Variants in EIF3B observed in about 807,000 individuals in gnomAD.
The protein encoded by EIF3B is eukaryotic translation initiation factor 3 subunit 9.
A neutral mutation model predicts 104.6 loss-of-function variants in EIF3B; 10 were observed. The ratio of observed to expected loss-of-function variants is 0.10; its 90% CI spans 0.06 to 0.16. The LOEUF (loss-of-function observed/expected upper bound fraction) is 0.16. Among genes scored for constraint, EIF3B ranks in the 10% least tolerant of loss-of-function variants. The pLI, the probability that EIF3B is intolerant of heterozygous loss-of-function variation, is 1.00. For synonymous variants in EIF3B, 542 were observed against 417.2 expected (o/e 1.30, Z -3.65); for missense variants, 1,014 against 1,087.9 (o/e 0.93, Z 0.96).
At position 2,362,706 on chromosome 7, in the gene EIF3B, G is replaced by T; in HGVS notation, c.754G>T (p.Gly252Cys). 1 of 1,614,258 alleles carries T rather than the reference G, an allele frequency of 6.2e-7. No individual in the cohort carries two copies. Among genetic ancestry groups the T allele is most frequent in the Non-Finnish European group, 8.5e-7 (1 of 1,180,040 alleles). ...TGTGGATGCTGTGAAGAACGCCGAC[G>T]GCTACAAGCTTGACAAGCAGCACAC... Reference protein sequence around the residue: ...HAVDAVKNADGYKLDKQHTFR... With the variant: ...HAVDAVKNADCYKLDKQHTFR... The change falls in exon 3 of 19, where the codon GGC becomes TGC. Residue 252 changes from glycine to cysteine, a missense_variant. Gly to Cys is a radical substitution (Grantham distance 159). Coordinates refer to ENST00000360876, the MANE Select transcript of EIF3B (RefSeq NM_001037283.2).
intron 12 of EIF3B, chr7:2,373,952 A>G (rs976124154): frequency 2.6e-5 from 4 of 152,306 alleles, no homozygotes; most frequent in African/African-American, 7.2e-5. Flanking sequence ...TGGATGTACC[A>G]CAGGCTGAGG....
At chr7:2,355,646 C>T (rs1056510190) in intron 1 of EIF3B, among the ~76,000 whole-genome samples, 2 of 152,140 alleles carry the variant, frequency 1.3e-5, no homozygotes, top group Non-Finnish European at 1.5e-5. Context: ...CAGGGTGGAG[C>T]TCACTTCGGG....
At chr7:2,363,926 A>G (rs553179106) in intron 5 of EIF3B, among the ~76,000 whole-genome samples, 166 bp downstream of exon 5, 2 of 152,348 alleles carry the variant, frequency 1.3e-5, no homozygotes, top group East Asian at 1.9e-4. Context: ...GCTTTGAAGT[A>G]AATCCTGAGA....
intron 15 of EIF3B, among the ~76,000 whole-genome samples, chr7:2,377,477 A>G (rs145130793): frequency 9.2e-4 from 126 of 137,534 alleles, no homozygotes; most frequent in Non-Finnish European, 1.5e-3. Flanking sequence ...TGGAGGAAGG[A>G]GCAGGCACGA....
Position 2,374,379 on chromosome 7 carries a change from G to A in EIF3B, c.1811-149G>A, listed in dbSNP as rs183732030. On this transcript the variant is annotated intron_variant, in intron 12 of 18. Transcript: ENST00000360876. ...CATGACTTAGGGGGTACTTGGCGAT[G>A]GACTTTGTAAAATTGTTTTCCGAGG... 1.1e-4 allele frequency: 74 copies of A among 655,064 alleles called. No homozygotes were observed. In the African/African-American group the frequency reaches 1.2e-3, roughly 11 times the overall value. 40.6% of individuals were successfully genotyped at this position (655,064 alleles called of 1,614,324 possible).
At chr7:2,356,552 G>A (rs1471687396) in intron 1 of EIF3B, among the ~76,000 whole-genome samples, 2 of 147,182 alleles carry the variant, frequency 1.4e-5, no homozygotes, top group African/African-American at 5.0e-5. Flanking sequence ...GCAGTGAGCC[G>A]AGATCCTGCC....
chr7:2,380,264 G>T lies in EIF3B; in HGVS notation c.*75G>T. On this transcript the variant is annotated 3_prime_UTR_variant, in exon 19 of 19. Coordinates refer to ENST00000360876, the MANE Select transcript of EIF3B (RefSeq NM_001037283.2). ...ACAGGACTCCCGAGTGTGAGCCGCG[G>T]TTCCTCTGTTGCAGCGCAGCCGTGT... 1 of 494,576 alleles carries T rather than the reference G, an allele frequency of 2.0e-6. No homozygotes were observed. The highest frequency in any genetic ancestry group is 4.0e-6 in the Non-Finnish European group (1 of 248,378). 30.6% of individuals were successfully genotyped at this position (494,576 alleles called of 1,614,324 possible).
chr7:2,362,136 A>C (rs1779765054), intron 2 of EIF3B, among the ~76,000 whole-genome samples: 1 of 151,592 alleles, frequency 6.6e-6, no homozygotes, highest in South Asian at 2.1e-4. Context: ...ATTTTTGTAT[A>C]TTTAGCAGAG....
chr7:2,366,399 A>C lies in EIF3B; in HGVS notation c.1240A>C (p.Lys414Gln). ...CATCTGGGACATCCTTACGGGGCAC[A>C]AGAAGAGGGGTTTTCACTGTGAGAG... ...IIIWDILTGH[K>Q]KRGFHCESSA... Residue 414 changes from lysine (K) to glutamine (Q), a missense_variant, in exon 7 of 19, where the codon AAG (lysine) becomes CAG (glutamine). This residue lies in a region of EIF3B where 201 missense variants were observed against 240.7 expected (regional missense o/e 0.83). Transcript: ENST00000360876. 1 of 1,614,074 alleles carries C rather than the reference A, an allele frequency of 6.2e-7. No individual in the cohort carries two copies. The highest frequency in any genetic ancestry group is 8.5e-7 in the Non-Finnish European group (1 of 1,180,012).
chr7:2,366,686 A>T (rs984157586), intron 8 of EIF3B, 95 bp downstream of exon 8: 2 of 1,409,448 alleles, frequency 1.4e-6, no homozygotes, highest in East Asian at 2.3e-5. Context: ...GAGGAGGAGG[A>T]GGTTTCACAG....
At chr7:2,368,293 A>G (rs1220561570) in intron 9 of EIF3B, among the ~76,000 whole-genome samples, 2 of 151,466 alleles carry the variant, frequency 1.3e-5, no homozygotes, top group African/African-American at 4.9e-5. Flanking sequence ...CAGGCGCGCA[A>G]CCACTACGCC....
At chr7:2,374,760 C>G in intron 13 of EIF3B, 154 bp downstream of exon 13, 1 of 637,064 alleles carries the variant, frequency 1.6e-6, no homozygotes, top group Non-Finnish European at 2.7e-6. Context: ...CATTGAACCT[C>G]TGCAGACCCA....
intron 6 of EIF3B, among the ~76,000 whole-genome samples, chr7:2,365,154 T>A (rs915901740): frequency 6.6e-6 from 1 of 152,244 alleles, no homozygotes; most frequent in African/African-American, 2.4e-5. Context: ...TCTCACTTTG[T>A]TGTACAAGGT....
At position 2,376,707 on chromosome 7, in the gene EIF3B, G is replaced by T. The variant is rs1372598751; in HGVS notation, c.2029-243G>T. On this transcript the variant is annotated intron_variant, in intron 14 of 18. Transcript: ENST00000360876. ...TGGGGTTCTTATTGCCAGCCAGAAT[G>T]TGCAGGCCTGTGCTGTGATGAGCGC... 1.4e-5 allele frequency: 7 copies of T among 483,734 alleles called. No individual in the cohort carries two copies. In the East Asian group the frequency reaches 2.6e-4, roughly 18 times the overall value. 30.0% of individuals were successfully genotyped at this position (483,734 alleles called of 1,614,324 possible). A position where few individuals can be genotyped will look rare whatever the true frequency, so the allele number is the denominator to read the frequency against.
chr7:2,360,720 A>C lies in EIF3B; in HGVS notation c.510A>C (p.Gly170=). 3.2e-6 allele frequency: 5 copies of C among 1,586,902 alleles called. No individual in the cohort carries two copies. The highest frequency in any genetic ancestry group is 4.3e-6 in the Non-Finnish European group (5 of 1,159,332). Residue 170 remains glycine, a synonymous_variant, in exon 2 of 19, where the codon GGA becomes GGC. Coordinates refer to ENST00000360876, the MANE Select transcript of EIF3B (RefSeq NM_001037283.2). The part of the protein sequence containing the change: ...VDDVSEEELL[G]DVLKDRPQEA... The stretch of plus-strand genomic sequence containing the variant: ...ATCTCTCTTGTTCAGAATTACTGGG[A>C]GATGTACTCAAAGATCGGCCCCAGG...
At position 2,379,699 on chromosome 7, in the gene EIF3B, C is replaced by T. The variant is rs73673817; in HGVS notation, c.*14+188C>T. ...GTGCCGACGTGGCCTCGACTGCGCC[C>T]TCTGACCACATTGCAGATGGCGCCT... On this transcript the variant is annotated intron_variant, in intron 18 of 18. Coordinates refer to ENST00000360876, the MANE Select transcript of EIF3B (RefSeq NM_001037283.2). 2.2e-3 allele frequency: 1,256 copies of T among 577,256 alleles called. 13 individuals are homozygous for T. The highest frequency in any genetic ancestry group is 0.02 in the African/African-American group (1,045 of 53,444). 35.8% of individuals were successfully genotyped at this position (577,256 alleles called of 1,614,324 possible).
rs2115323138 is a variant in EIF3B at position 2,371,859 on chromosome 7, A to G, written c.1687+10A>G. 1 of 1,612,204 alleles carries G rather than the reference A, an allele frequency of 6.2e-7. No individual in the cohort carries two copies. The highest frequency in any genetic ancestry group is 2.2e-5 in the East Asian group (1 of 44,854). The stretch of plus-strand genomic sequence containing the variant: ...GTGGTCGAGATGAAAGGCAAGTTGT[A>G]TTTTAGTCACTTTGAGGCGAATGGG... On this transcript the variant is annotated intron_variant, in intron 11 of 18. Coordinates refer to ENST00000360876, the MANE Select transcript of EIF3B (RefSeq NM_001037283.2).
intron 1 of EIF3B, among the ~76,000 whole-genome samples, chr7:2,359,813 A>G (rs532290204): frequency 5.9e-5 from 9 of 152,220 alleles, no homozygotes; most frequent in African/African-American, 2.2e-4. Flanking sequence ...AAGTTAGAGG[A>G]CACCCAGCTG....
rs1250507536 is a variant in EIF3B at position 2,369,589 on chromosome 7, G to A, written c.1521G>A (p.Arg507=). 1 of 1,614,072 alleles carries A rather than the reference G, an allele frequency of 6.2e-7. No individual in the cohort carries two copies. Among genetic ancestry groups the A allele is most frequent in the South Asian group, 1.1e-5 (1 of 91,074 alleles). The part of the protein sequence containing the change: ...QLPTRQEIRV[R]NLFNVVDCKL... ...CTACCAGGCAAGAGATCCGAGTGAG[G>A]AACCTGTTCAATGTGGTGGACTGCA... Residue 507 remains arginine, a synonymous_variant, in exon 10 of 19, where the codon AGG becomes AGA. Transcript: ENST00000360876.
Sources: gnomAD v4.1 joint callset for allele counts (sites outside exome capture counted in the v4.1 genomes callset) on GRCh38, gnomAD v4.1.1 for gene constraint, gnomAD v4.1.1 regional missense constraint, MANE v1.5 for transcripts, NCBI Gene and HGNC (gene_info 2026-07-23, HGNC 2026-07-21) for gene names.